CCDC60: variants seen among roughly 807,000 people sequenced by gnomAD.
CCDC60 encodes the protein coiled-coil domain containing 60.
In CCDC60, 54 loss-of-function variants were observed where a neutral mutation model predicts 63.5. The observed-to-expected ratio is 0.85, with a 90% CI of 0.68 to 1.07. CCDC60 has a LOEUF of 1.07. Among genes scored for constraint, CCDC60 ranks in the 50% least tolerant of loss-of-function variants. The probability of loss-of-function intolerance (pLI) is 0.00; values close to 1 mark genes in which losing one functional copy is unlikely to be tolerated. For missense variants in CCDC60, 651 were observed against 684.3 expected, an observed-to-expected ratio of 0.95 and a Z score of 0.54; for synonymous variants, 206 against 238.8, an observed-to-expected ratio of 0.86 and a Z score of 1.27.
At chr12:119,357,470 T>C (rs1416385467) in intron 1 of CCDC60, among the ~76,000 whole-genome samples, 14 of 152,032 alleles carry the variant, frequency 9.2e-5, no homozygotes, top group Non-Finnish European at 2.1e-4. Flanking sequence ...TTTTTTTTTT[T>C]TGAGATGGAG....
intron 2 of CCDC60, chr12:119,433,704 T>C (rs1950275985): frequency 3.1e-6 from 2 of 644,668 alleles, no homozygotes; most frequent in South Asian, 3.6e-5. Context: ...TAGCTCACCT[T>C]GAGCCAAACT....
intron 1 of CCDC60, among the ~76,000 whole-genome samples, chr12:119,411,485 C>CA (rs984757795): frequency 3.9e-5 from 6 of 152,122 alleles, no homozygotes; most frequent in East Asian, 1.9e-4. Flanking sequence ...CCAGCCTGGG[C>CA]AACAGAGCGA....
chr12:119,382,986 G>A (rs945207443), intron 1 of CCDC60, among the ~76,000 whole-genome samples: 1 of 152,220 alleles, frequency 6.6e-6, no homozygotes, highest in African/African-American at 2.4e-5. Context: ...GTGCTTGCCT[G>A]TTAGCCATGT....
At chr12:119,539,479 C>G (rs1455457160) in intron 13 of CCDC60, among the ~76,000 whole-genome samples, 1 of 152,226 alleles carries the variant, frequency 6.6e-6, no homozygotes, top group African/African-American at 2.4e-5. Flanking sequence ...TTTGTTTACA[C>G]TGTGAGGGGA....
At chr12:119,352,883 T>C (rs996231025) in intron 1 of CCDC60, among the ~76,000 whole-genome samples, 2 of 152,104 alleles carry the variant, frequency 1.3e-5, no homozygotes, top group African/African-American at 4.8e-5. Flanking sequence ...GAGGTTATAG[T>C]GAGCCAAGAT....
Position 119,363,076 on chromosome 12 carries a change from C to T in CCDC60, c.90+27810C>T, listed in dbSNP as rs891825037. On this transcript the variant is annotated intron_variant, in intron 1 of 13. Coordinates refer to ENST00000327554, the MANE Select transcript of CCDC60 (RefSeq NM_178499.5). ...CTGCACCGCTGCACCCCAGCCTGGG[C>T]GAGACAGCCAGTCTCCCTCTCAAAA... 7.2e-5 allele frequency among the ~76,000 whole-genome samples: 11 copies of T among 152,100 alleles called. No individual in the cohort carries two copies. The South Asian group carries it at 1.0e-3, about 14-fold the overall frequency.
intron 7 of CCDC60, among the ~76,000 whole-genome samples, chr12:119,507,608 A>ATTTTT (rs1483859938): frequency 7.3e-5 from 2 of 27,566 alleles, no homozygotes; most frequent in African/African-American, 3.3e-4. Flanking sequence ...ATATATATAT[A>ATTTTT]TATATATTTT....
intron 1 of CCDC60, among the ~76,000 whole-genome samples, chr12:119,395,972 C>G (rs933653788): frequency 6.6e-6 from 1 of 151,924 alleles, no homozygotes; most frequent in African/African-American, 2.4e-5. Flanking sequence ...GAGTCTCGCT[C>G]TGTTGCCCAG....
chr12:119,357,581 A>G (rs1277345086), intron 1 of CCDC60, among the ~76,000 whole-genome samples: 1 of 151,970 alleles, frequency 6.6e-6, no homozygotes, highest in African/African-American at 2.4e-5. Flanking sequence ...CAGCCTCCCA[A>G]GTAGCTGGGA....
At chr12:119,495,196 C>T (rs1312950820) in intron 5 of CCDC60, among the ~76,000 whole-genome samples, 1 of 152,118 alleles carries the variant, frequency 6.6e-6, no homozygotes, top group Non-Finnish European at 1.5e-5. Context: ...GGTAACCTTG[C>T]TGCAAAGTAT....
intron 13 of CCDC60, among the ~76,000 whole-genome samples, chr12:119,536,212 G>A (rs1194405033): frequency 6.6e-6 from 1 of 152,144 alleles, no homozygotes; most frequent in Non-Finnish European, 1.5e-5. Context: ...TTTGAAGTCT[G>A]TTTTATCAGA....
chr12:119,445,491 TAAA>T (rs57279338), intron 2 of CCDC60, among the ~76,000 whole-genome samples: 33 of 117,850 alleles, frequency 2.8e-4, no homozygotes, highest in East Asian at 4.8e-4. Flanking sequence ...TGCCCTGAGC[TAAA>T]AAAAAAAAAA....
chr12:119,484,975 T>C (rs1951402818), intron 4 of CCDC60, among the ~76,000 whole-genome samples: 1 of 152,126 alleles, frequency 6.6e-6, no homozygotes, highest in South Asian at 2.1e-4. Context: ...ATGGGGATGC[T>C]TTAGAACCTC....
chr12:119,379,148 G>A (rs1955984330), intron 1 of CCDC60, among the ~76,000 whole-genome samples: 1 of 152,216 alleles, frequency 6.6e-6, no homozygotes, highest in Admixed American at 6.5e-5. Flanking sequence ...CCTTTGCTAG[G>A]AAGCTAAAAA....
At chr12:119,364,355 C>T (rs565412154) in intron 1 of CCDC60, among the ~76,000 whole-genome samples, 1 of 152,322 alleles carries the variant, frequency 6.6e-6, no homozygotes, top group East Asian at 1.9e-4. Flanking sequence ...AAAGACCTCT[C>T]ATACCCATTT....
chr12:119,342,071 T>C (rs1183365313), intron 1 of CCDC60, among the ~76,000 whole-genome samples: 1 of 152,236 alleles, frequency 6.6e-6, no homozygotes, highest in Middle Eastern at 3.2e-3. Flanking sequence ...TAGGAATTTA[T>C]TTTTCTCATG....
chr12:119,346,234 G>GA (rs1442114108), intron 1 of CCDC60, among the ~76,000 whole-genome samples: 7 of 149,750 alleles, frequency 4.7e-5, no homozygotes, highest in East Asian at 3.9e-4. Flanking sequence ...GATGGCACTT[G>GA]AAAAAAAAAT....
At chr12:119,523,113 C>T (rs1007535650) in intron 10 of CCDC60, 112 bp downstream of exon 10, 23 of 964,874 alleles carry the variant, frequency 2.4e-5, no homozygotes, top group African/African-American at 9.7e-5. Context: ...TCCCTAAAGC[C>T]GTAGATGATG....
chr12:119,538,090 G>A (rs1291825628), intron 13 of CCDC60, among the ~76,000 whole-genome samples: 1 of 152,200 alleles, frequency 6.6e-6, no homozygotes, highest in African/African-American at 2.4e-5. Context: ...GAGCTTCCAC[G>A]GCCACTTTGT....
Sources: allele counts gnomAD v4.1 joint callset (sites outside exome capture counted in the v4.1 genomes callset), GRCh38; gene constraint gnomAD v4.1.1; transcripts MANE v1.5; gene names NCBI Gene and HGNC (gene_info 2026-07-23, HGNC 2026-07-21).